The following DOCK5 variants were observed in gnomAD, a reference collection of about 807,000 sequenced individuals.
DOCK5 encodes dedicator of cytokinesis 5.
DOCK5 carries 142 observed loss-of-function variants against 251.8 expected under a neutral mutation model. The observed-to-expected ratio is 0.56, with a 90% CI of 0.49 to 0.65. The LOEUF (loss-of-function observed/expected upper bound fraction) is 0.65. Ranked by LOEUF, DOCK5 falls within the 30% of genes least tolerant of loss-of-function variation. DOCK5 has a pLI of 0.00. For synonymous variants in DOCK5, 842 were observed against 835.5 expected, an observed-to-expected ratio of 1.01 and a Z score of -0.13; for missense variants, 2,111 against 2,312.3, an observed-to-expected ratio of 0.91 and a Z score of 1.79.
rs57725051 is a variant in DOCK5 at position 25,284,481 on chromosome 8, G to A, written c.321+5816G>A. ...CTTCCAGCTTCGGGCAGAAGGGGTG[G>A]GCAGATAATGTCTAGCCTCCCTCCA... On this transcript the variant is annotated intron_variant, in intron 5 of 51. Transcript: ENST00000276440. Among the ~76,000 whole-genome samples the A allele has an allele frequency of 9.9e-3, 1,510 of 152,284 alleles. 27 individuals are homozygous for A. Among genetic ancestry groups the A allele is most frequent in the African/African-American group, 0.034 (1,424 of 41,566 alleles).
intron 21 of DOCK5, among the ~76,000 whole-genome samples, chr8:25,334,634 C>A (rs1338638332): frequency 6.6e-6 from 1 of 151,798 alleles, no homozygotes; most frequent in African/African-American, 2.4e-5. Flanking sequence ...TTGCTTAAGC[C>A]CAGGGAAGTC....
chr8:25,382,571 T>G, intron 39 of DOCK5, 103 bp from the exon 40 acceptor site: 2 of 907,126 alleles, frequency 2.2e-6, no homozygotes, highest in Non-Finnish European at 3.4e-6. Context: ...GACCTTTCAT[T>G]GCTCTGGGTT....
intron 1 of DOCK5, among the ~76,000 whole-genome samples, chr8:25,229,794 A>G (rs548727174): frequency 1.6e-4 from 25 of 152,280 alleles, no homozygotes; most frequent in Non-Finnish European, 3.2e-4. Context: ...CCTTCATTGC[A>G]TAAAAGGTAA....
chr8:25,226,089 C>A lies in DOCK5; in HGVS notation c.44-17585C>A, dbSNP rs547280728. Among the ~76,000 whole-genome samples the A allele has an allele frequency of 6.6e-5, 10 of 151,868 alleles. No homozygotes were observed. The South Asian group carries it at 2.1e-3, about 32-fold the overall frequency. ...GAAAATTAAGAAAAAATACTGAAGT[C>A]ATTTAGCAGGTAAAATAAAACAAGA... On this transcript the variant is annotated intron_variant, in intron 1 of 51. Transcript: ENST00000276440.
chr8:25,323,141 G>A (rs907158), intron 16 of DOCK5, among the ~76,000 whole-genome samples: 5,586 of 152,196 alleles, frequency 0.037, 320 homozygotes, highest in African/African-American at 0.13. Flanking sequence ...GACTGGCCCC[G>A]AAGACCAAGA....
At chr8:25,229,905 T>C (rs537765411) in intron 1 of DOCK5, among the ~76,000 whole-genome samples, 2 of 152,324 alleles carry the variant, frequency 1.3e-5, no homozygotes, top group South Asian at 4.1e-4. Context: ...AATGTGGCCC[T>C]TGAAAAAAAT....
chr8:25,392,013 A>G (rs1215915797), intron 43 of DOCK5, 33 bp downstream of exon 43: 1 of 1,602,342 alleles, frequency 6.2e-7, no homozygotes, highest in Non-Finnish European at 8.5e-7. Context: ...TTAAGAGGTA[A>G]AATTAACGGG....
At chr8:25,204,568 G>T (rs1801956022) in intron 1 of DOCK5, among the ~76,000 whole-genome samples, 1 of 152,192 alleles carries the variant, frequency 6.6e-6, no homozygotes, top group Non-Finnish European at 1.5e-5. Flanking sequence ...ATCTAAAGTT[G>T]ACATGCCATT....
intron 48 of DOCK5, among the ~76,000 whole-genome samples, chr8:25,405,206 T>C (rs1801502647): frequency 6.6e-6 from 1 of 152,118 alleles, no homozygotes; most frequent in African/African-American, 2.4e-5. Context: ...TTTTATTTTA[T>C]GACTTCTGGG....
rs527980756 is a variant in DOCK5 at position 25,255,796 on chromosome 8, T to C, written c.127+12039T>C. On this transcript the variant is annotated intron_variant, in intron 2 of 51. Coordinates refer to ENST00000276440, the MANE Select transcript of DOCK5 (RefSeq NM_024940.8). Reference sequence around the variant, plus strand: ...ACAAGAGGTATATGATAACTTTCTGTACCTTCTGCTCAGTTTTGCTGTGGA... The same window carrying C: ...ACAAGAGGTATATGATAACTTTCTGCACCTTCTGCTCAGTTTTGCTGTGGA... Among the ~76,000 whole-genome samples, 3 of 152,332 alleles carry C rather than the reference T, an allele frequency of 2.0e-5. No homozygotes were observed. In the South Asian group the frequency reaches 6.2e-4, roughly 32 times the overall value.
intron 1 of DOCK5, among the ~76,000 whole-genome samples, chr8:25,201,276 T>C (rs1801873789): frequency 6.6e-6 from 1 of 152,204 alleles, no homozygotes; most frequent in African/African-American, 2.4e-5. Flanking sequence ...TTGAAGACAA[T>C]AAAGTATGAT....
intron 1 of DOCK5, among the ~76,000 whole-genome samples, chr8:25,207,871 A>G (rs1250773346): frequency 6.6e-6 from 1 of 152,250 alleles, no homozygotes; most frequent in East Asian, 1.9e-4. Flanking sequence ...GGTGGCTGCC[A>G]TAAATAGTGA....
At chr8:25,221,234 T>C (rs1318469391) in intron 1 of DOCK5, among the ~76,000 whole-genome samples, 1 of 152,238 alleles carries the variant, frequency 6.6e-6, no homozygotes, top group Non-Finnish European at 1.5e-5. Flanking sequence ...TAAGTGAAAT[T>C]ATTAGATCAA....
intron 17 of DOCK5, 88 bp downstream of exon 17, chr8:25,324,039 G>A (rs1586329565): frequency 7.2e-7 from 1 of 1,381,852 alleles, no homozygotes; most frequent in East Asian, 2.5e-5. Flanking sequence ...ACAAACATCA[G>A]AAACCTTTCT....
chr8:25,212,160 C>A (rs1802129030), intron 1 of DOCK5, among the ~76,000 whole-genome samples: 6 of 36,994 alleles, frequency 1.6e-4, no homozygotes, highest in Admixed American at 3.3e-4. Context: ...GACTCCGTCT[C>A]AAAAAAAAAA....
chr8:25,374,533 A>T (rs752949897), intron 36 of DOCK5, 31 bp from the exon 37 acceptor site: 2 of 1,584,096 alleles, frequency 1.3e-6, no homozygotes, highest in Admixed American at 3.7e-5. Flanking sequence ...CTCTCGAGTG[A>T]CAAAATGCTT....
At chr8:25,323,557 G>A (rs1033427285) in intron 16 of DOCK5, among the ~76,000 whole-genome samples, 3 of 152,194 alleles carry the variant, frequency 2.0e-5, no homozygotes, top group Non-Finnish European at 4.4e-5. Context: ...GAGCTGTTTA[G>A]GACATGGAGT....
intron 21 of DOCK5, among the ~76,000 whole-genome samples, chr8:25,336,031 T>G (rs988466298): frequency 6.6e-6 from 1 of 152,234 alleles, no homozygotes; most frequent in Non-Finnish European, 1.5e-5. Flanking sequence ...CTAGTATTTC[T>G]CAGCAGAAGG....
At chr8:25,374,777 T>A (rs1052869885) in intron 37 of DOCK5, 123 bp downstream of exon 37, 15 of 1,583,358 alleles carry the variant, frequency 9.5e-6, no homozygotes, top group Non-Finnish European at 1.3e-5. Flanking sequence ...TTTATACAAG[T>A]TTTTTTAGTT....
Sources: allele counts gnomAD v4.1 joint callset (sites outside exome capture counted in the v4.1 genomes callset), GRCh38; gene constraint gnomAD v4.1.1; transcripts MANE v1.5; gene names NCBI Gene and HGNC (gene_info 2026-07-23, HGNC 2026-07-21).